The following MSRB3 variants were observed in gnomAD, a reference collection of about 807,000 sequenced individuals.
The protein encoded by MSRB3 is methionine sulfoxide reductase B3, also known as methionine-R-sulfoxide reductase B3.
A neutral mutation model predicts 21.0 loss-of-function variants in MSRB3; 13 were observed. The ratio of observed to expected loss-of-function variants is 0.62; its 90% CI spans 0.40 to 0.98. MSRB3 has a LOEUF of 0.98. MSRB3 is among the 50% of genes least tolerant of loss of function. The probability of loss-of-function intolerance (pLI) is 0.00; values close to 1 mark genes in which losing one functional copy is unlikely to be tolerated. For missense variants in MSRB3, 199 were observed against 230.3 expected (o/e 0.86, Z 0.88); for synonymous variants, 87 against 88.6 (o/e 0.98, Z 0.10).
At chr12:65,452,829 G>GA (rs977611713) in intron 5 of MSRB3, among the ~76,000 whole-genome samples, 40 of 151,038 alleles carry the variant, frequency 2.6e-4, no homozygotes, top group Non-Finnish European at 5.5e-4. Context: ...TTGTGAAAAA[G>GA]AAAAAAAAAT....
chr12:65,428,609 A>G (rs996418108), intron 5 of MSRB3, among the ~76,000 whole-genome samples: 5 of 152,190 alleles, frequency 3.3e-5, no homozygotes, highest in African/African-American at 9.7e-5. Flanking sequence ...GGAGTACGAC[A>G]TTATTGGCAC....
chr12:65,401,010 G>A (rs1880095015), intron 5 of MSRB3, among the ~76,000 whole-genome samples: 1 of 152,172 alleles, frequency 6.6e-6, no homozygotes, highest in African/African-American at 2.4e-5. Context: ...TGCATTTGCT[G>A]AGGAGTGTTT....
intron 5 of MSRB3, among the ~76,000 whole-genome samples, chr12:65,379,215 CATCT>C (rs1350482436): frequency 2.1e-5 from 3 of 146,158 alleles, no homozygotes; most frequent in African/African-American, 7.6e-5. Flanking sequence ...TCCATCCATC[CATCT>C]ACCCATCCAC....
intron 5 of MSRB3, among the ~76,000 whole-genome samples, chr12:65,406,548 A>C (rs1266633145): frequency 3.9e-5 from 6 of 152,268 alleles, no homozygotes; most frequent in Non-Finnish European, 8.8e-5. Context: ...AATGTCTTTC[A>C]AAATCCAAAT....
intron 1 of MSRB3, among the ~76,000 whole-genome samples, chr12:65,292,350 A>G (rs1872711406): frequency 6.6e-6 from 1 of 152,180 alleles, no homozygotes; most frequent in Non-Finnish European, 1.5e-5. Context: ...AGGTTATTGT[A>G]ATCATGAAAT....
At chr12:65,351,921 C>G (rs1877028895) in intron 4 of MSRB3, among the ~76,000 whole-genome samples, 1 of 152,108 alleles carries the variant, frequency 6.6e-6, no homozygotes, top group Admixed American at 6.6e-5. Context: ...TGAAACTATT[C>G]CAATCTATAG....
Position 65,326,860 on chromosome 12 carries a change from C to A in MSRB3, c.111C>A (p.Val37=). ...SCRDKKNCKV[V]FSQQELRKRL... is the part of the protein sequence containing the mutation. ...GGGATAAAAAGAACTGTAAGGTGGT[C>A]TTTTCCCAGCAGGAACTGAGGAAGC... is the stretch of plus-strand genomic sequence containing the variant. The change falls in exon 3 of 7, where the codon GTC becomes GTA. Residue 37 remains valine (V), a synonymous_variant. Coordinates refer to ENST00000308259, the MANE Select transcript of MSRB3 (RefSeq NM_001031679.3). 2 of 1,611,570 alleles carry A rather than the reference C, an allele frequency of 1.2e-6. No individual in the cohort carries two copies. The highest frequency in any genetic ancestry group is 1.3e-5 in the African/African-American group (1 of 74,138).
intron 5 of MSRB3, among the ~76,000 whole-genome samples, chr12:65,421,961 A>G (rs531343871): frequency 1.5e-4 from 23 of 152,304 alleles, no homozygotes; most frequent in Admixed American, 5.9e-4. Flanking sequence ...ACAAGACTCA[A>G]TGGTATGCTT....
At chr12:65,314,171 A>G (rs1166982848) in intron 2 of MSRB3, among the ~76,000 whole-genome samples, 1 of 152,132 alleles carries the variant, frequency 6.6e-6, no homozygotes, top group African/African-American at 2.4e-5. Context: ...CTATAAACTG[A>G]AACAAGTTTT....
chr12:65,290,992 G>A (rs1023999868), intron 1 of MSRB3, among the ~76,000 whole-genome samples: 5 of 152,128 alleles, frequency 3.3e-5, no homozygotes, highest in African/African-American at 1.2e-4. Flanking sequence ...TGGCAGAGAT[G>A]TACCACAACT....
chr12:65,438,467 G>A (rs552070623), intron 5 of MSRB3, among the ~76,000 whole-genome samples: 1 of 151,930 alleles, frequency 6.6e-6, no homozygotes, highest in South Asian at 2.1e-4. Flanking sequence ...ATTCTACATA[G>A]GATTAATGAG....
chr12:65,312,829 A>G (rs552786701), intron 2 of MSRB3, among the ~76,000 whole-genome samples: 2 of 152,096 alleles, frequency 1.3e-5, no homozygotes, highest in Non-Finnish European at 2.9e-5. Context: ...TGAATCAGTA[A>G]ACATTTGGAA....
At chr12:65,418,987 A>C in intron 5 of MSRB3, 1 of 709,042 alleles carries the variant, frequency 1.4e-6, no homozygotes, top group Non-Finnish European at 2.6e-6. Flanking sequence ...CTCCAGGTGC[A>C]GCAGGATCCC....
intron 4 of MSRB3, among the ~76,000 whole-genome samples, chr12:65,361,999 A>G (rs560368447): frequency 1.3e-5 from 2 of 152,308 alleles, no homozygotes; most frequent in South Asian, 4.1e-4. Context: ...TAAGTTTTAA[A>G]CACAGTGAAT....
At chr12:65,384,729 T>G (rs920905252) in intron 5 of MSRB3, among the ~76,000 whole-genome samples, 1 of 152,210 alleles carries the variant, frequency 6.6e-6, no homozygotes, top group Non-Finnish European at 1.5e-5. Context: ...TTTGTGATAT[T>G]CTTAAATACA....
At chr12:65,431,889 T>A (rs1436980106) in intron 5 of MSRB3, among the ~76,000 whole-genome samples, 1 of 152,108 alleles carries the variant, frequency 6.6e-6, no homozygotes. Context: ...GATGTGCTAT[T>A]TGGCTACATT....
intron 5 of MSRB3, among the ~76,000 whole-genome samples, chr12:65,398,437 G>A (rs1035384988): frequency 7.2e-5 from 11 of 152,120 alleles, no homozygotes; most frequent in South Asian, 2.1e-4. Context: ...CATATCCTTC[G>A]CCCACTTTTT....
intron 5 of MSRB3, among the ~76,000 whole-genome samples, chr12:65,445,087 G>A (rs185846567): frequency 7.9e-5 from 12 of 152,166 alleles, no homozygotes; most frequent in East Asian, 1.9e-4. Flanking sequence ...CTGTAAAAAT[G>A]TATCTCTAGC....
chr12:65,398,812 G>A (rs1879955944), intron 5 of MSRB3, among the ~76,000 whole-genome samples: 2 of 152,108 alleles, frequency 1.3e-5, no homozygotes, highest in Non-Finnish European at 2.9e-5. Flanking sequence ...TTCGGTTTCA[G>A]TTTTCTCCAT....
Sources: allele counts gnomAD v4.1 joint callset (sites outside exome capture counted in the v4.1 genomes callset), GRCh38; gene constraint gnomAD v4.1.1; transcripts MANE v1.5; gene names NCBI Gene and HGNC (gene_info 2026-07-23, HGNC 2026-07-21).